The following SYNJ1 variants were observed in gnomAD, a reference collection of about 807,000 sequenced individuals.
The protein encoded by SYNJ1 is synaptojanin 1.
SYNJ1 carries 78 observed loss-of-function variants against 168.2 expected under a neutral mutation model. The observed-to-expected ratio is 0.46, with a 90% CI of 0.39 to 0.56. SYNJ1 has a LOEUF of 0.56. SYNJ1 is among the 20% of genes least tolerant of loss of function. SYNJ1 has a pLI of 0.00. For missense variants in SYNJ1, 1,303 were observed against 1,597.6 expected, an observed-to-expected ratio of 0.82 and a Z score of 3.14; for synonymous variants, 539 against 548.6, an observed-to-expected ratio of 0.98 and a Z score of 0.24.
intron 2 of SYNJ1, among the ~76,000 whole-genome samples, chr21:32,715,133 C>T (rs531913027): frequency 1.3e-5 from 2 of 152,080 alleles, no homozygotes; most frequent in African/African-American, 4.8e-5. Context: ...TAAGGTACAA[C>T]CAGCTAGAAA....
intron 11 of SYNJ1, among the ~76,000 whole-genome samples, chr21:32,679,044 T>C (rs1418809268): frequency 6.6e-6 from 1 of 152,100 alleles, no homozygotes. Context: ...TACAACCTCA[T>C]CCAGTAATTA....
At chr21:32,715,590 G>A (rs2042997166) in intron 2 of SYNJ1, among the ~76,000 whole-genome samples, 1 of 152,044 alleles carries the variant, frequency 6.6e-6, no homozygotes, top group African/African-American at 2.4e-5. Context: ...AGAGATTACA[G>A]CAATCCTATG....
intron 11 of SYNJ1, 111 bp downstream of exon 11, chr21:32,681,385 G>T: frequency 1.6e-6 from 2 of 1,249,116 alleles, no homozygotes; most frequent in Non-Finnish European, 2.2e-6. Flanking sequence ...AGAATTCTAA[G>T]ACACATCTAT....
At chr21:32,710,598 C>T (rs2042794523) in intron 2 of SYNJ1, among the ~76,000 whole-genome samples, 1 of 151,896 alleles carries the variant, frequency 6.6e-6, no homozygotes, top group Admixed American at 6.6e-5. Flanking sequence ...GATCATAGCT[C>T]ACTGTAACCT....
chr21:32,718,405 A>G lies in SYNJ1; in HGVS notation c.124+8367T>C, dbSNP rs1466702273. Among the ~76,000 whole-genome samples, 2 of 152,236 alleles carry G rather than the reference A, an allele frequency of 1.3e-5. 1 individual carries two copies. The highest frequency in any genetic ancestry group is 4.8e-5 in the African/African-American group (2 of 41,454). On this transcript the variant is annotated intron_variant, in intron 2 of 32. Coordinates refer to ENST00000674351, the MANE Select transcript of SYNJ1 (RefSeq NM_203446.3). ...AAGTTACTTTCTATTAAATACGTACATTCCTCAGACTACAGGGGCACATAA... is the reference window on the plus strand; with the variant it reads ...AAGTTACTTTCTATTAAATACGTACGTTCCTCAGACTACAGGGGCACATAA...
At chr21:32,687,247 T>C (rs1168926683) in intron 7 of SYNJ1, among the ~76,000 whole-genome samples, 173 bp from the exon 8 acceptor site, 1 of 152,232 alleles carries the variant, frequency 6.6e-6, no homozygotes, top group East Asian at 1.9e-4. Context: ...CGAAAACTCA[T>C]GAATGCAACT....
chr21:32,631,603 A>G lies in SYNJ1; in HGVS notation c.*202T>C. 1 of 1,585,724 alleles carries G rather than the reference A, an allele frequency of 6.3e-7. No homozygotes were observed. The highest frequency in any genetic ancestry group is 8.5e-7 in the Non-Finnish European group (1 of 1,170,976). On this transcript the variant is annotated 3_prime_UTR_variant, in exon 33 of 33. Coordinates refer to ENST00000674351, the MANE Select transcript of SYNJ1 (RefSeq NM_203446.3). ...GGAATTGGAGGCATTGTTGGCATGC[A>G]ACTTACAGAACTCAAAACATTACTT...
chr21:32,641,932 T>TTGC lies in SYNJ1; in HGVS notation c.3551_3552insGCA (p.Ala1184_Gly1185insGln), dbSNP rs779358822. 1.2e-6 allele frequency: 2 copies of TTGC among 1,613,870 alleles called. No individual in the cohort carries two copies. The highest frequency in any genetic ancestry group is 1.7e-5 in the Admixed American group (1 of 60,010). ...TACTGTATCCAGCAGGTCCTGGGCC[T>TTGC]GCAAGTCCTGCTTGAGGTGAAGGCT... On this transcript the variant is annotated inframe_insertion, in exon 29 of 33. Transcript: ENST00000674351.
At chr21:32,669,865 G>GT (rs1173038820) in intron 15 of SYNJ1, among the ~76,000 whole-genome samples, 1 of 152,162 alleles carries the variant, frequency 6.6e-6, no homozygotes, top group African/African-American at 2.4e-5. Context: ...AGAAGTAGAT[G>GT]TAAGAATCTG....
intron 13 of SYNJ1, among the ~76,000 whole-genome samples, chr21:32,674,648 C>T (rs1336160401): frequency 6.7e-6 from 1 of 149,776 alleles, no homozygotes; most frequent in African/African-American, 2.5e-5. Context: ...TGGTCTACAA[C>T]CCATCTTTTC....
Position 32,657,889 on chromosome 21 carries a change from C to G in SYNJ1, c.2305-17G>C, listed in dbSNP as rs536071170. The G allele has an allele frequency of 1.0e-5, 16 of 1,599,058 alleles. No individual in the cohort carries two copies. The South Asian group carries it at 1.6e-4, about 16-fold the overall frequency. On this transcript the variant is annotated splice_polypyrimidine_tract_variant and intron_variant, in intron 18 of 32. Transcript: ENST00000674351. ...TCTAAAAACCTAAAATAAACATATA[C>G]AAAGTAAGTTATTCCCAAACAGCAA...
At chr21:32,640,675 A>G (rs892820064) in intron 29 of SYNJ1, among the ~76,000 whole-genome samples, 2 of 151,734 alleles carry the variant, frequency 1.3e-5, no homozygotes, top group African/African-American at 4.8e-5. Flanking sequence ...GATCTTTCCA[A>G]TGTAGTCCCC....
chr21:32,698,162 C>G (rs1220371483), intron 4 of SYNJ1, among the ~76,000 whole-genome samples: 2 of 151,972 alleles, frequency 1.3e-5, no homozygotes, highest in Non-Finnish European at 2.9e-5. Context: ...TTTCCTCTCC[C>G]TCATGGTCTC....
In SYNJ1 at chr21:32,657,685, T is replaced by C. The variant is rs1351742775; in HGVS notation, c.2461+31A>G. ...CTGCTTCCTCATAAGTTTACATTAGTTCATTTAAATAAAGAAGCCCATTTC... is the reference window on the plus strand; with the variant it reads ...CTGCTTCCTCATAAGTTTACATTAGCTCATTTAAATAAAGAAGCCCATTTC... On this transcript the variant is annotated intron_variant, in intron 19 of 32. Coordinates refer to ENST00000674351, the MANE Select transcript of SYNJ1 (RefSeq NM_203446.3). 4 of 1,564,910 alleles carry C rather than the reference T, an allele frequency of 2.6e-6. No homozygotes were observed. The South Asian group carries it at 3.7e-5, about 14-fold the overall frequency.
At chr21:32,639,839 T>C in intron 29 of SYNJ1, 60 bp from the exon 30 acceptor site, 1 of 1,412,086 alleles carries the variant, frequency 7.1e-7, no homozygotes, top group Non-Finnish European at 9.9e-7. Flanking sequence ...TAAAATTCTG[T>C]GAAAACATTT....
chr21:32,716,348 T>G (rs1243092317), intron 2 of SYNJ1, among the ~76,000 whole-genome samples: 1 of 152,234 alleles, frequency 6.6e-6, no homozygotes, highest in East Asian at 1.9e-4. Flanking sequence ...CTGCTAGTCA[T>G]TATAATTAGC....
intron 12 of SYNJ1, 151 bp from the exon 13 acceptor site, chr21:32,676,506 G>T: frequency 6.4e-6 from 4 of 628,854 alleles, no homozygotes; most frequent in Non-Finnish European, 1.1e-5. Flanking sequence ...AACACCAAGT[G>T]TTACAAATAA....
rs143294126 is a variant in SYNJ1, at chr21:32,681,567, T to C, written c.1282A>G (p.Met428Val). 2.0e-5 allele frequency: 32 copies of C among 1,613,790 alleles called. No individual in the cohort carries two copies. The highest frequency in any genetic ancestry group is 6.7e-5 in the Admixed American group (4 of 60,000). The change falls in exon 11 of 33, where the codon ATG becomes GTG. Residue 428 changes from methionine (M) to valine (V), a missense_variant. By Grantham distance (21) the Met-to-Val change is conservative. Coordinates refer to ENST00000674351, the MANE Select transcript of SYNJ1 (RefSeq NM_203446.3). ...VTRFQEVFRS[M>V]WSVNGDSISK... ...ATTGAATCACCATTCACGGACCACATTGACCGAAAAACTTCTTGAAAGCGA... is the reference window on the plus strand; with the variant it reads ...ATTGAATCACCATTCACGGACCACACTGACCGAAAAACTTCTTGAAAGCGA...
In SYNJ1 at chr21:32,637,518, C is replaced by T. The variant is rs549049913; in HGVS notation, c.3915+1390G>A. 2.6e-5 allele frequency among the ~76,000 whole-genome samples: 4 copies of T among 151,300 alleles called. No individual in the cohort carries two copies. The East Asian group carries it at 7.8e-4, about 29-fold the overall frequency. On this transcript the variant is annotated intron_variant, in intron 31 of 32. Coordinates refer to ENST00000674351, the MANE Select transcript of SYNJ1 (RefSeq NM_203446.3). ...CCACCTCGCAGGTTCAACCAATTCT[C>T]CTGTCTCAGCCTCCTGAGTAGCTGG...
Sources: allele counts gnomAD v4.1 joint callset (sites outside exome capture counted in the v4.1 genomes callset), GRCh38; gene constraint gnomAD v4.1.1; transcripts MANE v1.5; gene names NCBI Gene and HGNC (gene_info 2026-07-23, HGNC 2026-07-21).